The following KLF8 variants were observed in gnomAD, a reference collection of about 807,000 sequenced individuals.
The protein encoded by KLF8 is KLF transcription factor 8.
KLF8 carries 10 observed loss-of-function variants against 18.2 expected under a neutral mutation model. The ratio of observed to expected loss-of-function variants is 0.55; its 90% CI spans 0.34 to 0.93. The LOEUF (loss-of-function observed/expected upper bound fraction) is 0.93, where lower values mean the gene tolerates loss of function less well. Among genes scored for constraint, KLF8 ranks in the 40% least tolerant of loss-of-function variants. KLF8 has a pLI of 0.02. For synonymous variants in KLF8, 109 were observed against 97.3 expected (o/e 1.12, Z -0.71); for missense variants, 264 against 277.9 (o/e 0.95, Z 0.36).
chrX:56,069,812 G>A, the KLF8 span, among the ~76,000 whole-genome samples: 4 of 111,710 alleles, frequency 3.6e-5, no homozygotes, highest in African/African-American at 6.5e-5. Flanking sequence ...CCTGCCCAGC[G>A]GTCCTGCCCA....
At chrX:56,184,049 C>T in the KLF8 span, among the ~76,000 whole-genome samples, 40 of 112,001 alleles carry the variant, frequency 3.6e-4, no homozygotes, top group African/African-American at 1.1e-3. Context: ...GCACCATGCA[C>T]GAGTCGAAGC....
the KLF8 span, among the ~76,000 whole-genome samples, chrX:55,944,422 G>C: frequency 1.8e-5 from 2 of 109,773 alleles, no homozygotes; most frequent in Non-Finnish European, 3.8e-5. Flanking sequence ...GCTCCTCCTT[G>C]TACCTCTGGT....
At chrX:56,054,961 A>G in the KLF8 span, among the ~76,000 whole-genome samples, 1 of 110,604 alleles carries the variant, frequency 9.0e-6, no homozygotes, top group African/African-American at 3.3e-5. Context: ...CTTTAAGTCT[A>G]TGTGTGTGAT....
the KLF8 span, among the ~76,000 whole-genome samples, chrX:56,040,404 T>A: frequency 8.9e-6 from 1 of 112,075 alleles, no homozygotes; most frequent in East Asian, 2.8e-4. Flanking sequence ...GTTCCCTCGA[T>A]ACCTAGTTTA....
At chrX:56,027,353 C>G in the KLF8 span, among the ~76,000 whole-genome samples, 16 of 111,745 alleles carry the variant, frequency 1.4e-4, no homozygotes, top group Non-Finnish European at 3.0e-4. Context: ...CCCTGCAATG[C>G]GTGACTGCCA....
the KLF8 span, among the ~76,000 whole-genome samples, chrX:56,051,757 T>G: frequency 1.9e-5 from 2 of 107,495 alleles, no homozygotes; most frequent in Admixed American, 1.9e-4. Flanking sequence ...TTGGAGTTGC[T>G]CTTCTCGAGG....
chrX:55,950,119 A>G, the KLF8 span, among the ~76,000 whole-genome samples: 1 of 111,452 alleles, frequency 9.0e-6, no homozygotes, highest in Non-Finnish European at 1.9e-5. Flanking sequence ...TTGGCTCTTT[A>G]TGAATAGTCA....
the KLF8 span, among the ~76,000 whole-genome samples, chrX:56,215,315 G>A: frequency 1.8e-5 from 2 of 111,757 alleles, no homozygotes; most frequent in Non-Finnish European, 3.8e-5. Context: ...GAGGATTCAG[G>A]AGAGTTTCTT....
intron 1 of KLF8, among the ~76,000 whole-genome samples, chrX:56,238,135 T>C (rs770463328): frequency 1.8e-5 from 2 of 111,924 alleles, no homozygotes; most frequent in South Asian, 7.6e-4. Context: ...TCCCACACTT[T>C]TAAAAGTTGG....
chrX:56,203,765 A>C, the KLF8 span, among the ~76,000 whole-genome samples: 1 of 111,488 alleles, frequency 9.0e-6, no homozygotes, highest in Non-Finnish European at 1.9e-5. Flanking sequence ...TGGGTTTGCT[A>C]TTCTGTTCCA....
the KLF8 span, among the ~76,000 whole-genome samples, chrX:55,945,988 A>C: frequency 9.0e-6 from 1 of 111,675 alleles, no homozygotes; most frequent in Admixed American, 9.5e-5. Flanking sequence ...ATAAAAGAGG[A>C]TACAAACAAA....
At chrX:55,930,140 A>T in the KLF8 span, among the ~76,000 whole-genome samples, 1 of 111,342 alleles carries the variant, frequency 9.0e-6, no homozygotes, top group Non-Finnish European at 1.9e-5. Flanking sequence ...TTATCTTTGT[A>T]GCAATTGTGA....
the KLF8 span, among the ~76,000 whole-genome samples, chrX:56,188,994 G>A: frequency 1.8e-5 from 2 of 111,498 alleles, no homozygotes; most frequent in African/African-American, 6.5e-5. Context: ...CAAAAGCAAT[G>A]GCAACAAAAG....
the KLF8 span, among the ~76,000 whole-genome samples, chrX:56,144,487 C>A: frequency 9.1e-6 from 1 of 109,419 alleles, no homozygotes; most frequent in Non-Finnish European, 1.9e-5. Flanking sequence ...CGGTGGCTCA[C>A]GCCTGTAATC....
chrX:55,938,339 C>A, the KLF8 span, among the ~76,000 whole-genome samples: 2 of 111,282 alleles, frequency 1.8e-5, no homozygotes, highest in Non-Finnish European at 3.8e-5. Context: ...GATTTTGTTA[C>A]CACCAGGCCT....
At chrX:56,187,408 G>A in the KLF8 span, among the ~76,000 whole-genome samples, 2 of 111,476 alleles carry the variant, frequency 1.8e-5, no homozygotes, top group African/African-American at 3.3e-5. Flanking sequence ...AAGAGTCCAC[G>A]ACCAGATGAA....
chrX:56,024,067 G>C, the KLF8 span, among the ~76,000 whole-genome samples: 12,965 of 111,336 alleles, frequency 0.12, 1,309 homozygotes, highest in African/African-American at 0.33. Context: ...TAAGGAAGCT[G>C]TAACAAATTA....
At chrX:55,949,179 A>G in the KLF8 span, among the ~76,000 whole-genome samples, 1,040 of 111,658 alleles carry the variant, frequency 9.3e-3, 17 homozygotes, top group African/African-American at 0.032. Context: ...AAATTAACCA[A>G]TCTTTGTTAG....
the KLF8 span, among the ~76,000 whole-genome samples, chrX:56,040,176 G>C: frequency 1.8e-5 from 2 of 111,550 alleles, no homozygotes; most frequent in East Asian, 5.6e-4. Context: ...TGCAAACAAA[G>C]ATAATTTGAG....
Sources: allele counts gnomAD v4.1 joint callset (sites outside exome capture counted in the v4.1 genomes callset), GRCh38; gene constraint gnomAD v4.1.1; transcripts MANE v1.5; gene names NCBI Gene and HGNC (gene_info 2026-07-23, HGNC 2026-07-21).